Variants in SGCZ observed in about 807,000 individuals in gnomAD.
SGCZ encodes zeta-sarcoglycan.
A neutral mutation model predicts 41.3 loss-of-function variants in SGCZ; 40 were observed. That is an observed-to-expected ratio of 0.97 (90% CI 0.75 to 1.26). SGCZ has a LOEUF of 1.26. SGCZ is among the 50% of genes most tolerant of loss of function. The pLI is 0.00. For synonymous variants in SGCZ, 206 were observed against 137.5 expected, an observed-to-expected ratio of 1.50 and a Z score of -3.49; for missense variants, 552 against 369.8, an observed-to-expected ratio of 1.49 and a Z score of -4.04.
intron 1 of SGCZ, among the ~76,000 whole-genome samples, chr8:15,191,935 T>C (rs1048306437): frequency 1.3e-5 from 2 of 152,068 alleles, no homozygotes; most frequent in South Asian, 4.1e-4. Flanking sequence ...TTAGCTCTCA[T>C]TATACAACCC....
intron 1 of SGCZ, among the ~76,000 whole-genome samples, chr8:14,578,423 C>T (rs1804784006): frequency 6.6e-6 from 1 of 152,162 alleles, no homozygotes; most frequent in Non-Finnish European, 1.5e-5. Context: ...TACATGCTCC[C>T]TGGGTTTGGT....
chr8:14,922,663 G>C (rs1189831763), intron 1 of SGCZ, among the ~76,000 whole-genome samples: 1 of 152,074 alleles, frequency 6.6e-6, no homozygotes, highest in East Asian at 1.9e-4. Flanking sequence ...ACTTACAAAT[G>C]AAATAGTTTG....
intron 3 of SGCZ, among the ~76,000 whole-genome samples, chr8:14,243,121 A>G (rs1054327035): frequency 6.6e-6 from 1 of 152,238 alleles, no homozygotes; most frequent in Non-Finnish European, 1.5e-5. Flanking sequence ...CACATTTTAG[A>G]AAGTATTGCC....
At chr8:14,102,570 T>C in intron 6 of SGCZ, 71 bp from the exon 7 acceptor site, 2 of 1,241,426 alleles carry the variant, frequency 1.6e-6, no homozygotes, top group East Asian at 3.1e-5. Context: ...AAAAAGAAAA[T>C]TTTTGATAAA....
intron 2 of SGCZ, among the ~76,000 whole-genome samples, chr8:14,407,388 A>G (rs1476246529): frequency 3.3e-5 from 5 of 152,142 alleles, no homozygotes; most frequent in Admixed American, 6.5e-5. Context: ...AGATAAGAAC[A>G]CTGAGTTTCA....
At chr8:14,221,666 T>A (rs887258483) in intron 4 of SGCZ, among the ~76,000 whole-genome samples, 1 of 152,058 alleles carries the variant, frequency 6.6e-6, no homozygotes, top group African/African-American at 2.4e-5. Context: ...TCGGGTGTGG[T>A]GGCTCATGCC....
chr8:14,787,066 G>A (rs1452302543), intron 1 of SGCZ, among the ~76,000 whole-genome samples: 1 of 152,088 alleles, frequency 6.6e-6, no homozygotes, highest in Admixed American at 6.6e-5. Context: ...ACTGGGAATA[G>A]CATGAAAATA....
At chr8:14,311,599 T>G (rs931421484) in intron 3 of SGCZ, among the ~76,000 whole-genome samples, 15 of 152,186 alleles carry the variant, frequency 9.9e-5, no homozygotes, top group Admixed American at 2.6e-4. Flanking sequence ...TACGATCTAA[T>G]TTACCCTTGT....
intron 5 of SGCZ, among the ~76,000 whole-genome samples, chr8:14,144,430 C>T (rs1252453073): frequency 6.6e-6 from 1 of 152,134 alleles, no homozygotes; most frequent in Admixed American, 6.5e-5. Flanking sequence ...GAGTTCATAA[C>T]CTGCTAACTG....
intron 5 of SGCZ, among the ~76,000 whole-genome samples, chr8:14,116,832 A>G (rs1038555635): frequency 2.6e-5 from 4 of 152,050 alleles, no homozygotes; most frequent in African/African-American, 9.7e-5. Flanking sequence ...TCCAGAACCA[A>G]TGTCTGGTTT....
intron 1 of SGCZ, among the ~76,000 whole-genome samples, chr8:14,891,662 A>G (rs1002327902): frequency 2.6e-5 from 4 of 152,226 alleles, no homozygotes; most frequent in African/African-American, 9.6e-5. Context: ...AATGACTCCA[A>G]TTTTAAAAGA....
At chr8:14,681,032 A>T (rs528257057) in intron 1 of SGCZ, among the ~76,000 whole-genome samples, 1 of 151,756 alleles carries the variant, frequency 6.6e-6, no homozygotes, top group African/African-American at 2.4e-5. Flanking sequence ...ACATACTTTT[A>T]ATTGAAATCC....
chr8:15,152,046 T>C (rs1258054504), intron 1 of SGCZ, among the ~76,000 whole-genome samples: 1 of 152,208 alleles, frequency 6.6e-6, no homozygotes, highest in Non-Finnish European at 1.5e-5. Context: ...TATCATAAAA[T>C]AATAAAAGGG....
chr8:14,291,197 G>C (rs1483936218), intron 3 of SGCZ, among the ~76,000 whole-genome samples: 1 of 151,988 alleles, frequency 6.6e-6, no homozygotes, highest in African/African-American at 2.4e-5. Flanking sequence ...TAGGCACAAA[G>C]CTACAGTTAG....
intron 2 of SGCZ, among the ~76,000 whole-genome samples, chr8:14,473,259 A>C (rs1585561895): frequency 6.6e-6 from 1 of 152,306 alleles, no homozygotes; most frequent in Admixed American, 6.5e-5. Flanking sequence ...AAGGTAAAAT[A>C]GTTTAAAATT....
intron 1 of SGCZ, among the ~76,000 whole-genome samples, chr8:14,625,826 G>T (rs1806436830): frequency 6.6e-6 from 1 of 152,090 alleles, no homozygotes; most frequent in African/African-American, 2.4e-5. Context: ...TTACAACTTG[G>T]TTCAGTAAGT....
intron 2 of SGCZ, among the ~76,000 whole-genome samples, chr8:14,478,561 C>G (rs1169419046): frequency 6.6e-6 from 1 of 151,758 alleles, no homozygotes; most frequent in East Asian, 1.9e-4. Context: ...GGAGCCCAGA[C>G]GATTTTTAGG....
At chr8:14,186,851 T>C (rs925287357) in intron 4 of SGCZ, among the ~76,000 whole-genome samples, 8 of 152,182 alleles carry the variant, frequency 5.3e-5, no homozygotes, top group Non-Finnish European at 7.3e-5. Flanking sequence ...GCTAGTTTAG[T>C]GAGAGAGCCA....
At chr8:14,823,293 C>A (rs777887277) in intron 1 of SGCZ, among the ~76,000 whole-genome samples, 7 of 151,590 alleles carry the variant, frequency 4.6e-5, no homozygotes, top group African/African-American at 1.7e-4. Flanking sequence ...AGTGATGAGA[C>A]GACATACAAA....
Sources: allele counts gnomAD v4.1 joint callset (sites outside exome capture counted in the v4.1 genomes callset), GRCh38; gene constraint gnomAD v4.1.1; transcripts MANE v1.5; gene names NCBI Gene and HGNC (gene_info 2026-07-23, HGNC 2026-07-21).